Variants in PCDHA2 observed in about 807,000 individuals in gnomAD.
PCDHA2 encodes the protein protocadherin alpha 2.
Under a neutral mutation model 66.0 loss-of-function variants are expected in PCDHA2, and 58 were observed. The observed-to-expected ratio is 0.88, with a 90% confidence interval of 0.71 to 1.09. The LOEUF (loss-of-function observed/expected upper bound fraction) is 1.09. Ranked by LOEUF, PCDHA2 falls within the 50% of genes least tolerant of loss-of-function variation. The probability of loss-of-function intolerance (pLI) is 0.00; values close to 1 mark genes in which losing one functional copy is unlikely to be tolerated. For missense variants in PCDHA2, 1,267 were observed against 1,242.3 expected, an observed-to-expected ratio of 1.02 and a Z score of -0.30; for synonymous variants, 634 against 554.0, an observed-to-expected ratio of 1.14 and a Z score of -2.03.
chr5:140,809,384 G>A (rs1379248044), intron 1 of PCDHA2: 1 of 1,614,062 alleles, frequency 6.2e-7, no homozygotes, highest in Non-Finnish European at 8.5e-7. Context: ...GGGCGCGTGC[G>A]CTCCGGGCAA....
chr5:140,842,755 T>G, intron 1 of PCDHA2: 2 of 1,594,888 alleles, frequency 1.3e-6, no homozygotes, highest in South Asian at 2.2e-5. Flanking sequence ...TCACGGTGTC[T>G]GCGCGAGACG....
intron 1 of PCDHA2, among the ~76,000 whole-genome samples, chr5:140,844,278 G>A (rs1324463534): frequency 6.7e-6 from 1 of 149,048 alleles, no homozygotes; most frequent in Non-Finnish European, 1.5e-5. Context: ...CAGAATGATA[G>A]TGTTTTTCAA....
chr5:141,005,049 T>C (rs1248594838), intron 3 of PCDHA2, among the ~76,000 whole-genome samples: 6 of 152,264 alleles, frequency 3.9e-5, no homozygotes, highest in African/African-American at 1.4e-4. Context: ...TACCATTTAC[T>C]GAATTCTTGC....
chr5:140,821,288 C>T (rs1439871895), intron 1 of PCDHA2, among the ~76,000 whole-genome samples: 4 of 152,094 alleles, frequency 2.6e-5, no homozygotes, highest in African/African-American at 4.8e-5. Context: ...AATATATAAA[C>T]TCCTCCCTAT....
intron 1 of PCDHA2, chr5:140,842,313 C>A: frequency 6.2e-7 from 1 of 1,607,028 alleles, no homozygotes; most frequent in Non-Finnish European, 8.5e-7. Context: ...CCTCCCATGG[C>A]GGGTCATTGC....
intron 1 of PCDHA2, chr5:140,801,705 T>A: frequency 6.2e-7 from 1 of 1,614,222 alleles, no homozygotes; most frequent in East Asian, 2.2e-5. Flanking sequence ...GTTGTTGACT[T>A]ACAGTCTTGA....
chr5:140,862,965 C>T (rs1358517266), intron 1 of PCDHA2: 5 of 543,666 alleles, frequency 9.2e-6, no homozygotes, highest in African/African-American at 7.7e-5. Flanking sequence ...TCAGTGGATG[C>T]AGGCCACTTG....
intron 1 of PCDHA2, among the ~76,000 whole-genome samples, chr5:140,894,750 TTGTG>T (rs2064648260): frequency 6.6e-6 from 1 of 152,080 alleles, no homozygotes; most frequent in Admixed American, 6.5e-5. Context: ...ATTTTTTTTC[TTGTG>T]TGTATTTATT....
intron 1 of PCDHA2, chr5:140,842,311 G>A: frequency 6.2e-7 from 1 of 1,608,842 alleles, no homozygotes; most frequent in Non-Finnish European, 8.5e-7. Context: ...ATCCTCCCAT[G>A]GCGGGTCATT....
At chr5:140,966,683 G>A (rs1357691419) in intron 1 of PCDHA2, 1 of 1,331,590 alleles carries the variant, frequency 7.5e-7, no homozygotes. Flanking sequence ...TGGCACGAGC[G>A]GAGGCGGGGC....
rs781974273 is a variant in PCDHA2, at chr5:140,871,561, T to TC, written c.2388+74210dup. 4.7e-6 allele frequency: 7 copies of TC among 1,485,828 alleles called. No homozygotes were observed. In the African/African-American group the frequency reaches 9.9e-5, roughly 21 times the overall value. 92.0% of individuals were successfully genotyped at this position (1,485,828 alleles called of 1,614,324 possible). ...AAATTATTTAAAATCCAGTTTTTTT[T>TC]CACGGATTTTTTAAGGGAAAGTTTT... is the stretch of plus-strand genomic sequence containing the variant. On this transcript the variant is annotated intron_variant, in intron 1 of 3. Coordinates refer to ENST00000526136, the MANE Select transcript of PCDHA2 (RefSeq NM_018905.3).
At position 140,843,439 on chromosome 5, in the gene PCDHA2, G is replaced by T. The variant is rs2150360020; in HGVS notation, c.2388+46087G>T. The T allele has an allele frequency of 1.9e-6, 3 of 1,596,092 alleles. No homozygotes were observed. In the South Asian group the frequency reaches 3.3e-5, roughly 18 times the overall value. On this transcript the variant is annotated intron_variant, in intron 1 of 3. Transcript: ENST00000526136. ...TGTACCTGATCATCGCCATCTGCGC[G>T]GTATCCAGCCTGCTGGTGCTCACGC...
chr5:140,803,564 G>A (rs1239467423), intron 1 of PCDHA2: 2 of 1,614,082 alleles, frequency 1.2e-6, no homozygotes, highest in African/African-American at 1.3e-5. Context: ...AGGAGAAACA[G>A]GATGTGGACG....
At chr5:140,927,349 G>T in intron 1 of PCDHA2, 1 of 1,614,016 alleles carries the variant, frequency 6.2e-7, no homozygotes, top group Non-Finnish European at 8.5e-7. Flanking sequence ...AGATGACGAC[G>T]AGGGAAGCAA....
Position 140,802,366 on chromosome 5 carries a change from C to G in PCDHA2, c.2388+5014C>G, listed in dbSNP as rs1467501869. ...AATGGACAGGTCACCTGCTCGCTGA[C>G]GCCCCACGTCCCCTTCAAGCTGGTG... On this transcript the variant is annotated intron_variant, in intron 1 of 3. Coordinates refer to ENST00000526136, the MANE Select transcript of PCDHA2 (RefSeq NM_018905.3). 12 of 1,614,126 alleles carry G rather than the reference C, an allele frequency of 7.4e-6. No individual in the cohort carries two copies. The highest frequency in any genetic ancestry group is 3.3e-5 in the Admixed American group (2 of 60,012).
chr5:140,850,585 A>T lies in PCDHA2; in HGVS notation c.2388+53233A>T. 6.3e-6 allele frequency: 10 copies of T among 1,598,426 alleles called. 3 individuals carry two copies. Among genetic ancestry groups the T allele is most frequent in the African/African-American group, 1.3e-5 (1 of 74,476 alleles). On this transcript the variant is annotated intron_variant, in intron 1 of 3. Transcript: ENST00000526136. ...CCCGAGGTGACGCTGGTGGATGTCA[A>T]CGTGTACCTGATCATCGCCATCTGC... is the stretch of plus-strand genomic sequence containing the variant.
At chr5:140,982,359 C>T in intron 2 of PCDHA2, 116 bp from the exon 3 acceptor site, 1 of 1,523,712 alleles carries the variant, frequency 6.6e-7, no homozygotes. Context: ...CAAGCATGAG[C>T]AGAATGTGTT....
chr5:141,007,517 G>A (rs2098333696), intron 3 of PCDHA2, among the ~76,000 whole-genome samples: 1 of 151,984 alleles, frequency 6.6e-6, no homozygotes, highest in African/African-American at 2.4e-5. Flanking sequence ...GCAGTGAGCT[G>A]ATATCTCGCC....
chr5:140,853,745 C>G lies in PCDHA2; in HGVS notation c.2388+56393C>G. ...TAAGTCCTCATTGAATGTTCTGGTT[C>G]AAGGCTCCACCTCAGAAATTCTGAA... On this transcript the variant is annotated intron_variant, in intron 1 of 3. Transcript: ENST00000526136. 3.0e-6 allele frequency: 3 copies of G among 988,528 alleles called. 1 individual carries two copies. Among genetic ancestry groups the G allele is most frequent in the Non-Finnish European group, 3.7e-6 (3 of 820,460 alleles). The allele number at this position is 988,528 out of a possible 1,614,324, so 61.2% of individuals were successfully genotyped here. A position where few individuals can be genotyped will look rare whatever the true frequency, so the allele number is the denominator to read the frequency against.
Sources: allele counts gnomAD v4.1 joint callset (sites outside exome capture counted in the v4.1 genomes callset), GRCh38; gene constraint gnomAD v4.1.1; transcripts MANE v1.5; gene names NCBI Gene and HGNC (gene_info 2026-07-23, HGNC 2026-07-21).